Variants in MARCO observed in about 807,000 individuals in gnomAD.
The protein encoded by MARCO is macrophage receptor with collagenous structure, also known as macrophage receptor MARCO.
A neutral mutation model predicts 70.0 loss-of-function variants in MARCO; 72 were observed. That is an observed-to-expected ratio of 1.03 (90% CI 0.85 to 1.25). The LOEUF (loss-of-function observed/expected upper bound fraction) is 1.25. Ranked by LOEUF, MARCO falls within the 50% of genes most tolerant of loss-of-function variation. The pLI, the probability that MARCO is intolerant of heterozygous loss-of-function variation, is 0.00. For missense variants in MARCO, 696 were observed against 659.3 expected, an observed-to-expected ratio of 1.06 and a Z score of -0.61; for synonymous variants, 273 against 243.1, an observed-to-expected ratio of 1.12 and a Z score of -1.14.
At chr2:118,993,095 G>T (rs200716416) in intron 15 of MARCO, 29 bp from the exon 16 acceptor site, 18 of 1,610,940 alleles carry the variant, frequency 1.1e-5, no homozygotes, top group Non-Finnish European at 1.5e-5. Flanking sequence ...GGCCTTCCTT[G>T]CCTCTCCCAT....
intron 12 of MARCO, among the ~76,000 whole-genome samples, chr2:118,986,652 A>AGAAAGAAAGAAGGAAGGAAGGAAG (rs1558671615): frequency 2.1e-5 from 1 of 48,440 alleles, no homozygotes; most frequent in African/African-American, 1.2e-4. Context: ...AAAGAAAGAA[A>AGAAAGAAAGAAGGAAGGAAGGAAG]GAAGGAAGGA....
At chr2:118,971,995 G>A (rs1421452111) in intron 4 of MARCO, among the ~76,000 whole-genome samples, 18 of 152,312 alleles carry the variant, frequency 1.2e-4, no homozygotes, top group South Asian at 4.1e-4. Flanking sequence ...CAGGCTGTGC[G>A]GTCAGGCCGA....
chr2:118,986,652 AGAAGGAAGGAAG>A lies in MARCO; in HGVS notation c.1064-3925_1064-3914del, dbSNP rs199975278. Among the ~76,000 whole-genome samples, 28 of 48,438 alleles carry A rather than the reference AGAAGGAAGGAAG, an allele frequency of 5.8e-4. 3 individuals carry two copies. Among genetic ancestry groups the A allele is most frequent in the African/African-American group, 3.0e-3 (26 of 8,602 alleles). 31.8% of individuals were successfully genotyped at this position (48,438 alleles called of 152,430 possible). A position where few individuals can be genotyped will look rare whatever the true frequency, so the allele number is the denominator to read the frequency against. ...AAGAAAGAAAGAAAGAAAGAAAGAA[AGAAGGAAGGAAG>A]GAAGGAAGGAAAGAAAGAAAGAAAG... On this transcript the variant is annotated intron_variant, in intron 12 of 16. Transcript: ENST00000327097.
At chr2:118,983,637 T>A (rs1197644916) in intron 12 of MARCO, among the ~76,000 whole-genome samples, 1 of 152,172 alleles carries the variant, frequency 6.6e-6, no homozygotes, top group African/African-American at 2.4e-5. Flanking sequence ...CAGATGTTCC[T>A]GACTTGTTCA....
At chr2:118,989,087 A>G (rs752824945) in intron 12 of MARCO, among the ~76,000 whole-genome samples, 5 of 152,222 alleles carry the variant, frequency 3.3e-5, no homozygotes, top group Non-Finnish European at 7.3e-5. Context: ...AGACTTTGGA[A>G]CCACTTTGCT....
intron 1 of MARCO, among the ~76,000 whole-genome samples, chr2:118,965,573 C>T (rs184209401): frequency 3.0e-4 from 45 of 152,282 alleles, no homozygotes; most frequent in African/African-American, 1.1e-3. Flanking sequence ...CTCCTCTCAT[C>T]TGAGTTGTGA....
chr2:118,982,236 G>A lies in MARCO; in HGVS notation c.982G>A (p.Gly328Ser), dbSNP rs763685365. The A allele has an allele frequency of 6.2e-7, 1 of 1,612,988 alleles. No individual in the cohort carries two copies. The highest frequency in any genetic ancestry group is 1.7e-5 in the Admixed American group (1 of 59,988). Residue 328 changes from glycine to serine, a missense_variant, in exon 11 of 17, where the codon GGC (glycine) becomes AGC (serine). By Grantham distance (56) the Gly-to-Ser change is moderately conservative. Around this residue, in one of 3 missense-constraint regions of MARCO, gnomAD observed 605 missense variants for 537.6 expected, o/e 1.13. Transcript: ENST00000327097. The stretch of plus-strand genomic sequence containing the variant: ...TGCCAAGGGTGAGCCTGGCAGTGCT[G>A]GCTCCCCTGGGCGAGCAGGTGAGGT... Reference protein sequence around the residue: ...PGAKGEPGSAGSPGRAGLPGS... With the variant: ...PGAKGEPGSASSPGRAGLPGS...
chr2:118,972,548 G>A (rs1573393476), intron 4 of MARCO, among the ~76,000 whole-genome samples: 1 of 152,254 alleles, frequency 6.6e-6, no homozygotes, highest in East Asian at 1.9e-4. Flanking sequence ...CCCGTAAGAT[G>A]GAGATATGGT....
chr2:118,982,291 A>G, intron 11 of MARCO, 37 bp downstream of exon 11: 2 of 1,611,946 alleles, frequency 1.2e-6, no homozygotes, highest in East Asian at 2.2e-5. Context: ...ACAGGGAGTG[A>G]TGTGTGAAAA....
chr2:118,942,226 C>T lies in MARCO; in HGVS notation c.-75C>T. On this transcript the variant is annotated 5_prime_UTR_variant, in exon 1 of 17. Coordinates refer to ENST00000327097, the MANE Select transcript of MARCO (RefSeq NM_006770.4). ...GCTGCAGTGGTTCGATGGGAAGGAT[C>T]TTTCTCCAAGTGGTTCCTCTTGAGG... 2 of 931,054 alleles carry T rather than the reference C, an allele frequency of 2.1e-6. No individual in the cohort carries two copies. Among genetic ancestry groups the T allele is most frequent in the Admixed American group, 1.9e-5 (1 of 52,612 alleles). The allele number at this position is 931,054 out of a possible 1,614,324, so 57.7% of individuals were successfully genotyped here.
In MARCO at chr2:118,993,167, A is replaced by G; in HGVS notation, c.1296A>G (p.Arg432=). 1.2e-6 allele frequency: 2 copies of G among 1,614,218 alleles called. No individual in the cohort carries two copies. Among genetic ancestry groups the G allele is most frequent in the Non-Finnish European group, 1.7e-6 (2 of 1,180,036 alleles). Residue 432 remains arginine (R), a synonymous_variant, in exon 16 of 17, where the codon CGA becomes CGG. Coordinates refer to ENST00000327097, the MANE Select transcript of MARCO (RefSeq NM_006770.4). ...VSVRIVGSSN[R]GRAEVYYSGT... ...TCAGGATTGTCGGCAGTAGTAACCG[A>G]GGCCGGGCTGAAGTTTACTACAGTG...
chr2:118,972,737 A>G (rs1412177593), intron 4 of MARCO, among the ~76,000 whole-genome samples: 1 of 152,242 alleles, frequency 6.6e-6, no homozygotes, highest in African/African-American at 2.4e-5. Flanking sequence ...TGCTGCTGCT[A>G]GGAGAGCCTC....
Position 118,977,488 on chromosome 2 carries a change from G to A in MARCO, c.631G>A (p.Gly211Ser). Residue 211 changes from glycine to serine, a missense_variant, in exon 7 of 17, where the codon GGT becomes AGT. By Grantham distance (56) the Gly-to-Ser change is moderately conservative. Coordinates refer to ENST00000327097, the MANE Select transcript of MARCO (RefSeq NM_006770.4). The part of the protein sequence containing the change: ...KGEAGLQGPQ[G>S]APGKQGATGT... ...CCTCACAGGCCTCCAAGGACCCCAG[G>A]GTGCTCCAGGGAAGCAAGGAGCCAC... 6.2e-7 allele frequency: 1 copy of A among 1,613,940 alleles called. No homozygotes were observed. The highest frequency in any genetic ancestry group is 8.5e-7 in the Non-Finnish European group (1 of 1,179,964).
intron 1 of MARCO, among the ~76,000 whole-genome samples, chr2:118,950,938 T>C (rs145362434): frequency 0.054 from 8,197 of 152,298 alleles, 696 homozygotes; most frequent in African/African-American, 0.19. Context: ...CAAATTTTAC[T>C]TTTGTTGAAA....
chr2:118,978,219 C>T (rs1054073407), intron 8 of MARCO, among the ~76,000 whole-genome samples: 2 of 152,150 alleles, frequency 1.3e-5, no homozygotes, highest in African/African-American at 4.8e-5. Flanking sequence ...AGTGGGCCTG[C>T]ACTGGGCCTT....
At chr2:118,964,662 C>T (rs1583780) in intron 1 of MARCO, among the ~76,000 whole-genome samples, 19,502 of 151,908 alleles carry the variant, frequency 0.13, 1,381 homozygotes, top group South Asian at 0.27. Flanking sequence ...CTGAGGTGGG[C>T]GGATCTCTTG....
In MARCO at chr2:118,965,062, T is replaced by C. The variant is rs1046527785; in HGVS notation, c.98-4098T>C. 1.7e-4 allele frequency among the ~76,000 whole-genome samples: 26 copies of C among 152,196 alleles called. 1 individual carries two copies. Among genetic ancestry groups the C allele is most frequent in the Non-Finnish European group, 1.0e-4 (7 of 68,040 alleles). The stretch of plus-strand genomic sequence containing the variant: ...CTTTGAGTTTATCATGTTTGCGATT[T>C]TGGCAGTTTCTTTAATCTGTAGGTT... On this transcript the variant is annotated intron_variant, in intron 1 of 16. Coordinates refer to ENST00000327097, the MANE Select transcript of MARCO (RefSeq NM_006770.4).
intron 1 of MARCO, among the ~76,000 whole-genome samples, chr2:118,967,451 C>A (rs965560269): frequency 2.0e-5 from 3 of 152,054 alleles, no homozygotes; most frequent in Non-Finnish European, 4.4e-5. Context: ...GAGCAGTGAG[C>A]CCCCACTGAA....
At chr2:118,965,322 A>T (rs1680024952) in intron 1 of MARCO, among the ~76,000 whole-genome samples, 1 of 152,122 alleles carries the variant, frequency 6.6e-6, no homozygotes, top group South Asian at 2.1e-4. Context: ...TTCCTCTGTC[A>T]CATCTATTAC....
Sources: allele counts gnomAD v4.1 joint callset (sites outside exome capture counted in the v4.1 genomes callset), GRCh38; gene constraint gnomAD v4.1.1; regional missense constraint gnomAD v4.1.1; transcripts MANE v1.5; gene names NCBI Gene and HGNC (gene_info 2026-07-23, HGNC 2026-07-21).